NEK7: variants seen among roughly 807,000 people sequenced by gnomAD.
The protein encoded by NEK7 is serine/threonine-protein kinase Nek7.
In NEK7, 18 loss-of-function variants were observed where a neutral mutation model predicts 44.6. The observed-to-expected ratio is 0.40, with a 90% CI of 0.28 to 0.60. The LOEUF is 0.60. NEK7 is among the 20% of genes least tolerant of loss of function. The pLI is 0.38. For missense variants in NEK7, 256 were observed against 366.5 expected, an observed-to-expected ratio of 0.70 and a Z score of 2.46; for synonymous variants, 130 against 121.1, an observed-to-expected ratio of 1.07 and a Z score of -0.48.
chr1:198,319,687 C>T lies in NEK7; in HGVS notation c.*165C>T, dbSNP rs1655481679. The T allele has an allele frequency of 1.5e-6, 1 of 664,498 alleles. No homozygotes were observed. Among genetic ancestry groups the T allele is most frequent in the South Asian group, 4.4e-5 (1 of 22,832 alleles). The allele number at this position is 664,498 out of a possible 1,614,324, so 41.2% of individuals were successfully genotyped here. On this transcript the variant is annotated 3_prime_UTR_variant, in exon 10 of 10. Coordinates refer to ENST00000367385, the MANE Select transcript of NEK7 (RefSeq NM_133494.3). ...TTCATTTTGTACCAGTCACCTAAATCACCTCCTTGCAACCCCCAAATGACT... is the reference window on the plus strand; with the variant it reads ...TTCATTTTGTACCAGTCACCTAAATTACCTCCTTGCAACCCCCAAATGACT...
At chr1:198,279,142 G>C (rs549434857) in intron 7 of NEK7, 81 bp downstream of exon 7, 2 of 807,934 alleles carry the variant, frequency 2.5e-6, no homozygotes, top group African/African-American at 3.5e-5. Context: ...TTACATGCCA[G>C]CTCTTACATT....
chr1:198,163,578 A>C (rs1664173337), intron 1 of NEK7, among the ~76,000 whole-genome samples: 1 of 152,362 alleles, frequency 6.6e-6, no homozygotes, highest in African/African-American at 2.4e-5. Flanking sequence ...TTATGCAAAT[A>C]GTATATCTTT....
intron 9 of NEK7, among the ~76,000 whole-genome samples, chr1:198,317,499 T>G (rs764671101): frequency 9.8e-5 from 15 of 152,354 alleles, no homozygotes; most frequent in Admixed American, 1.3e-4. Context: ...ATTATATCTC[T>G]AATCTTGGTT....
At chr1:198,170,352 C>T (rs539796676) in intron 1 of NEK7, among the ~76,000 whole-genome samples, 2 of 152,132 alleles carry the variant, frequency 1.3e-5, no homozygotes, top group South Asian at 4.2e-4. Flanking sequence ...GAGGCTCGAG[C>T]AACAGGGAAT....
At chr1:198,286,700 A>G (rs1212308616) in intron 7 of NEK7, among the ~76,000 whole-genome samples, 3 of 152,168 alleles carry the variant, frequency 2.0e-5, no homozygotes, top group Non-Finnish European at 4.4e-5. Flanking sequence ...TATCTGTAGG[A>G]TTGCAGGACT....
Position 198,249,946 on chromosome 1 carries a change from T to C in NEK7, c.58-3094T>C, listed in dbSNP as rs1276861364. The stretch of plus-strand genomic sequence containing the variant: ...TGCTTTTGGTGTTTTAGACATGAAG[T>C]CCTTGCCCATGCCTATGTCCTGAAT... On this transcript the variant is annotated intron_variant, in intron 2 of 9. Coordinates refer to ENST00000367385, the MANE Select transcript of NEK7 (RefSeq NM_133494.3). 2.7e-3 allele frequency among the ~76,000 whole-genome samples: 403 copies of C among 147,038 alleles called. 1 individual carries two copies. The highest frequency in any genetic ancestry group is 9.9e-3 in the African/African-American group (384 of 38,978).
intron 2 of NEK7, among the ~76,000 whole-genome samples, chr1:198,239,422 A>G (rs894179153): frequency 5.9e-5 from 9 of 152,080 alleles, no homozygotes; most frequent in African/African-American, 2.2e-4. Context: ...ATTCAAGGAG[A>G]TTCAGTCAAT....
chr1:198,181,336 T>G (rs1664762530), intron 1 of NEK7, among the ~76,000 whole-genome samples: 1 of 152,144 alleles, frequency 6.6e-6, no homozygotes, highest in Non-Finnish European at 1.5e-5. Context: ...GAGTTAATCA[T>G]GCATTACTAG....
chr1:198,242,741 C>CCCCACAAA, intron 2 of NEK7, among the ~76,000 whole-genome samples: 2 of 151,744 alleles, frequency 1.3e-5, no homozygotes, highest in African/African-American at 4.8e-5. Flanking sequence ...GGATTACAGG[C>CCCCACAAA]GTGAGCCACC....
At chr1:198,260,529 A>T (rs1252269138) in intron 3 of NEK7, among the ~76,000 whole-genome samples, 1 of 151,986 alleles carries the variant, frequency 6.6e-6, no homozygotes, top group African/African-American at 2.4e-5. Flanking sequence ...ACATGGTTAG[A>T]ATTACTGCTA....
In NEK7 at chr1:198,261,227, G is replaced by A. The variant is rs562444824; in HGVS notation, c.199-1348G>A. Among the ~76,000 whole-genome samples, 7 of 152,054 alleles carry A rather than the reference G, an allele frequency of 4.6e-5. No homozygotes were observed. In the South Asian group the frequency reaches 1.5e-3, roughly 32 times the overall value. ...CACACATATATTTTAATACTTATTA[G>A]CTAGTTGTGTATGCATTAGACTTTG... is the stretch of plus-strand genomic sequence containing the variant. On this transcript the variant is annotated intron_variant, in intron 3 of 9. Transcript: ENST00000367385.
intron 6 of NEK7, 144 bp downstream of exon 6, chr1:198,278,213 T>C (rs1654079088): frequency 1.9e-6 from 1 of 534,620 alleles, no homozygotes; most frequent in Non-Finnish European, 3.2e-6. Context: ...GTTAAACCTT[T>C]AAATAAAGCA....
In NEK7 at chr1:198,253,104, G is replaced by A; in HGVS notation, c.122G>A (p.Gly41Asp). The change falls in exon 3 of 10, where the codon GGT becomes GAT. Residue 41 changes from glycine (G) to aspartate (D), a missense_variant. Gly to Asp is a moderately conservative substitution (Grantham distance 94). Around this residue, in one of 3 missense-constraint regions of NEK7, gnomAD observed 96 missense variants for 94.9 expected, o/e 1.01. Coordinates refer to ENST00000367385, the MANE Select transcript of NEK7 (RefSeq NM_133494.3). ...LANFRIEKKI[G>D]RGQFSEVYRA... ...AACTTTCGAATAGAAAAGAAAATTG[G>A]TCGCGGACAATTTAGTGAAGTTTAT... The A allele has an allele frequency of 6.2e-7, 1 of 1,611,718 alleles. No homozygotes were observed. The highest frequency in any genetic ancestry group is 8.5e-7 in the Non-Finnish European group (1 of 1,178,104).
intron 1 of NEK7, among the ~76,000 whole-genome samples, chr1:198,174,971 T>C (rs1664564543): frequency 6.6e-6 from 1 of 152,164 alleles, no homozygotes. Flanking sequence ...TTGTTTAGGC[T>C]GGTCTCAAAC....
chr1:198,315,304 TGC>T (rs1179372193), intron 9 of NEK7, among the ~76,000 whole-genome samples: 1 of 152,142 alleles, frequency 6.6e-6, no homozygotes, highest in African/African-American at 2.4e-5. Flanking sequence ...TCGCGCATGG[TGC>T]GCGCACCCAC....
intron 2 of NEK7, among the ~76,000 whole-genome samples, chr1:198,252,528 C>CTA (rs1162099133): frequency 0.06 from 1,954 of 32,302 alleles, 57 homozygotes; most frequent in African/African-American, 0.08. Flanking sequence ...ATCTCACATA[C>CTA]TATATATATA....
chr1:198,172,435 CT>C (rs1235080153), intron 1 of NEK7, among the ~76,000 whole-genome samples: 1 of 152,196 alleles, frequency 6.6e-6, no homozygotes, highest in African/African-American at 2.4e-5. Flanking sequence ...GGAATATTTT[CT>C]AATTCTTTTT....
chr1:198,194,885 C>T (rs929221709), intron 1 of NEK7, among the ~76,000 whole-genome samples: 6 of 152,236 alleles, frequency 3.9e-5, no homozygotes, highest in South Asian at 2.1e-4. Context: ...TTTGAAGAAT[C>T]GCCACACTGT....
At chr1:198,269,127 A>G (rs767479713) in intron 5 of NEK7, among the ~76,000 whole-genome samples, 3 of 152,158 alleles carry the variant, frequency 2.0e-5, no homozygotes, top group Non-Finnish European at 2.9e-5. Context: ...TCTGTTGAGC[A>G]CAGAGACCAT....
Sources: gnomAD v4.1 joint callset for allele counts (sites outside exome capture counted in the v4.1 genomes callset) on GRCh38, gnomAD v4.1.1 for gene constraint, gnomAD v4.1.1 regional missense constraint, MANE v1.5 for transcripts, NCBI Gene and HGNC (gene_info 2026-07-23, HGNC 2026-07-21) for gene names.